Variants in ENPEP observed in about 807,000 individuals in gnomAD.
ENPEP encodes glutamyl aminopeptidase.
A neutral mutation model predicts 114.5 loss-of-function variants in ENPEP; 103 were observed. That is an observed-to-expected ratio of 0.90 (90% confidence interval 0.77 to 1.06). The LOEUF is 1.06. Among genes scored for constraint, ENPEP ranks in the 50% least tolerant of loss-of-function variants. The pLI is 0.00. For missense variants in ENPEP, 1,196 were observed against 1,161.3 expected, an observed-to-expected ratio of 1.03 and a Z score of -0.43; for synonymous variants, 420 against 422.0, an observed-to-expected ratio of 1.00 and a Z score of 0.06.
intron 3 of ENPEP, among the ~76,000 whole-genome samples, chr4:110,501,866 G>T (rs1467258769): frequency 6.6e-6 from 1 of 152,172 alleles, no homozygotes; most frequent in East Asian, 1.9e-4. Flanking sequence ...TTGCCAAACT[G>T]CTTTCCACAA....
intron 3 of ENPEP, among the ~76,000 whole-genome samples, chr4:110,494,175 T>C (rs1231830117): frequency 6.6e-6 from 1 of 152,230 alleles, no homozygotes; most frequent in Non-Finnish European, 1.5e-5. Flanking sequence ...GGCTTGGGTC[T>C]GATCCCCAGG....
intron 18 of ENPEP, among the ~76,000 whole-genome samples, chr4:110,556,475 CAATGTGTACAT>C (rs71900160): frequency 0.17 from 25,078 of 151,886 alleles, 2,182 homozygotes; most frequent in East Asian, 0.25. Context: ...AATAATGTTT[CAATGTGTACAT>C]ACATCTTAGT....
At chr4:110,535,599 TTGTTA>T (rs1726585223) in intron 11 of ENPEP, among the ~76,000 whole-genome samples, 1 of 152,242 alleles carries the variant, frequency 6.6e-6, no homozygotes, top group Non-Finnish European at 1.5e-5. Context: ...GAATGCTAAC[TTGTTA>T]ATTTACACAG....
intron 11 of ENPEP, among the ~76,000 whole-genome samples, chr4:110,535,999 C>T (rs530543234): frequency 1.3e-4 from 20 of 149,924 alleles, no homozygotes; most frequent in Middle Eastern, 3.5e-3. Flanking sequence ...GCCAGCTACT[C>T]GGGAGGCTGA....
At chr4:110,509,940 G>A (rs1342177000) in intron 5 of ENPEP, 133 bp downstream of exon 5, 3 of 1,245,184 alleles carry the variant, frequency 2.4e-6, no homozygotes, top group Non-Finnish European at 3.3e-6. Flanking sequence ...ATCTTTCTTG[G>A]TACTAATAAA....
chr4:110,519,211 G>C, intron 8 of ENPEP: 1 of 412,644 alleles, frequency 2.4e-6, no homozygotes, highest in Non-Finnish European at 4.9e-6. Context: ...CTGAAAAGAA[G>C]AGGAATTTAG....
chr4:110,489,351 T>C (rs1331395401), intron 2 of ENPEP, among the ~76,000 whole-genome samples: 3 of 151,912 alleles, frequency 2.0e-5, no homozygotes, highest in African/African-American at 7.3e-5. Flanking sequence ...TAAGTGGAAA[T>C]TGAACAACAA....
chr4:110,526,238 T>C (rs1726192265), intron 10 of ENPEP, among the ~76,000 whole-genome samples: 1 of 152,080 alleles, frequency 6.6e-6, no homozygotes, highest in South Asian at 2.1e-4. Context: ...ATCATGCTAC[T>C]GCACTCCAGC....
intron 8 of ENPEP, chr4:110,515,829 G>A: frequency 1.1e-5 from 5 of 456,686 alleles, no homozygotes; most frequent in South Asian, 7.8e-5. Context: ...TCCGTTTCTG[G>A]TGAAGCCTCT....
At chr4:110,507,403 C>T (rs1417702618) in intron 4 of ENPEP, among the ~76,000 whole-genome samples, 1 of 152,162 alleles carries the variant, frequency 6.6e-6, no homozygotes, top group East Asian at 1.9e-4. Flanking sequence ...TTAACAAAGA[C>T]TTTAAATATA....
chr4:110,494,567 T>C (rs1724855279), intron 3 of ENPEP, among the ~76,000 whole-genome samples: 1 of 152,158 alleles, frequency 6.6e-6, no homozygotes. Context: ...TCTCTGACAA[T>C]AGTTCCTTTA....
At position 110,564,269 on chromosome 4, in the gene ENPEP, A is replaced by G. The variant is rs372247313; in HGVS notation, c.*2711A>G. On this transcript the variant is annotated 3_prime_UTR_variant, in exon 20 of 20. Coordinates refer to ENST00000265162, the MANE Select transcript of ENPEP (RefSeq NM_001977.4). Reference sequence around the variant, plus strand: ...ACAAAAGTTGTATTTGGCACCAGCCAGTATTTGAACCCAGGCAGTTTATCA... The same window carrying G: ...ACAAAAGTTGTATTTGGCACCAGCCGGTATTTGAACCCAGGCAGTTTATCA... The G allele has an allele frequency of 6.1e-4, 93 of 152,344 alleles. No homozygotes were observed. Among genetic ancestry groups the G allele is most frequent in the African/African-American group, 2.2e-3 (93 of 41,582 alleles). The allele number at this position is 152,344 out of a possible 1,614,324, so 9.4% of individuals were successfully genotyped here.
At position 110,506,859 on chromosome 4, in the gene ENPEP, CT is replaced by C. The variant is rs1335785675; in HGVS notation, c.1039+104del. 1.4e-5 allele frequency: 15 copies of C among 1,063,102 alleles called. 1 individual carries two copies. Among genetic ancestry groups the C allele is most frequent in the Admixed American group, 1.2e-4 (4 of 34,388 alleles). 65.9% of individuals were successfully genotyped at this position (1,063,102 alleles called of 1,614,324 possible). On this transcript the variant is annotated intron_variant, in intron 4 of 19. Coordinates refer to ENST00000265162, the MANE Select transcript of ENPEP (RefSeq NM_001977.4). ...ATGTCACCATCAGTTAACAGTTATC[CT>C]TAAGTCCTTTTATTCTATGCCGACA...
chr4:110,496,904 A>G (rs1468714030), intron 3 of ENPEP, among the ~76,000 whole-genome samples: 3 of 152,138 alleles, frequency 2.0e-5, no homozygotes, highest in Non-Finnish European at 4.4e-5. Flanking sequence ...GCTTCAGTTT[A>G]CTAGTTTTTT....
At chr4:110,498,165 G>T (rs1173665111) in intron 3 of ENPEP, among the ~76,000 whole-genome samples, 1 of 152,142 alleles carries the variant, frequency 6.6e-6, no homozygotes, top group Non-Finnish European at 1.5e-5. Context: ...GCTGATATCT[G>T]TACTTCAATT....
chr4:110,487,947 CA>C (rs1724563245), intron 1 of ENPEP, among the ~76,000 whole-genome samples: 1 of 152,108 alleles, frequency 6.6e-6, no homozygotes, highest in South Asian at 2.1e-4. Flanking sequence ...TAAACTAGGA[CA>C]AAGGTTACTT....
At chr4:110,550,909 C>T (rs1727264737) in intron 17 of ENPEP, among the ~76,000 whole-genome samples, 1 of 151,902 alleles carries the variant, frequency 6.6e-6, no homozygotes, top group South Asian at 2.1e-4. Context: ...CCTCTTTCCT[C>T]AGGGCTATAT....
chr4:110,515,376 G>A lies in ENPEP; in HGVS notation c.1444-1G>A, dbSNP rs768692044. The A allele has an allele frequency of 6.2e-7, 1 of 1,604,410 alleles. No homozygotes were observed. The highest frequency in any genetic ancestry group is 1.1e-5 in the South Asian group (1 of 88,818). Reference sequence around the variant, plus strand: ...CATTTGTCTTTTTATCCCCATTGTAGGGATCTTCTATTTTGAGAATGCTTG... The same window carrying A: ...CATTTGTCTTTTTATCCCCATTGTAAGGATCTTCTATTTTGAGAATGCTTG... On this transcript the variant is annotated splice_acceptor_variant, in intron 7 of 19. Coordinates refer to ENST00000265162, the MANE Select transcript of ENPEP (RefSeq NM_001977.4). LOFTEE classifies it high-confidence loss of function.
At chr4:110,536,636 C>G (rs114177143) in intron 11 of ENPEP, among the ~76,000 whole-genome samples, 2,224 of 152,278 alleles carry the variant, frequency 0.015, 51 homozygotes, top group African/African-American at 0.051. Context: ...CCAGACCTGT[C>G]AAATAGCCTG....
Sources: allele counts gnomAD v4.1 joint callset (sites outside exome capture counted in the v4.1 genomes callset), GRCh38; gene constraint gnomAD v4.1.1; transcripts MANE v1.5; gene names NCBI Gene and HGNC (gene_info 2026-07-23, HGNC 2026-07-21).